The following CACNA2D3 variants were observed in gnomAD, a reference collection of about 807,000 sequenced individuals.
CACNA2D3 encodes the protein calcium voltage-gated channel auxiliary subunit alpha2delta 3.
Under a neutral mutation model 160.6 loss-of-function variants are expected in CACNA2D3, and 60 were observed. That is an observed-to-expected ratio of 0.37 (90% CI 0.30 to 0.46). CACNA2D3 has a LOEUF of 0.46. Among genes scored for constraint, CACNA2D3 ranks in the 20% least tolerant of loss-of-function variants. The probability of loss-of-function intolerance (pLI) is 1.00; values close to 1 mark genes in which losing one functional copy is unlikely to be tolerated. For missense variants in CACNA2D3, 1,205 were observed against 1,365.0 expected (o/e 0.88, Z 1.85); for synonymous variants, 558 against 492.9 (o/e 1.13, Z -1.75).
intron 27 of CACNA2D3, among the ~76,000 whole-genome samples, chr3:54,949,581 G>A (rs987905300): frequency 6.6e-6 from 1 of 152,172 alleles, no homozygotes; most frequent in African/African-American, 2.4e-5. Context: ...CCATACCCAA[G>A]GGGCAGCACT....
chr3:55,073,417 A>ACTGC, intron 35 of CACNA2D3, 28 bp from the exon 36 acceptor site: 1 of 1,537,912 alleles, frequency 6.5e-7, no homozygotes, highest in Non-Finnish European at 9.0e-7. Context: ...ATGGTAAATG[A>ACTGC]CTGCCTCGCT....
At chr3:54,377,570 C>T (rs1699032598) in intron 3 of CACNA2D3, among the ~76,000 whole-genome samples, 1 of 152,184 alleles carries the variant, frequency 6.6e-6, no homozygotes, top group Non-Finnish European at 1.5e-5. Flanking sequence ...TGTATATTCT[C>T]ACCAGATTCA....
At chr3:55,016,825 T>C (rs1036650660) in intron 34 of CACNA2D3, among the ~76,000 whole-genome samples, 1 of 152,186 alleles carries the variant, frequency 6.6e-6, no homozygotes, top group Admixed American at 6.5e-5. Context: ...CTCAAAATAA[T>C]TAAACCTCAA....
chr3:54,216,330 T>C (rs1270801143), intron 2 of CACNA2D3, among the ~76,000 whole-genome samples: 1 of 152,264 alleles, frequency 6.6e-6, no homozygotes, highest in East Asian at 1.9e-4. Flanking sequence ...GTTTCAGTGA[T>C]GTTTAAAAGT....
chr3:54,530,726 A>G (rs1469547485), intron 5 of CACNA2D3, among the ~76,000 whole-genome samples: 2 of 152,328 alleles, frequency 1.3e-5, no homozygotes, highest in East Asian at 3.9e-4. Context: ...GGGAACTCAG[A>G]GACGTTGTTT....
intron 2 of CACNA2D3, among the ~76,000 whole-genome samples, chr3:54,177,212 A>G (rs568154702): frequency 2.0e-5 from 3 of 152,326 alleles, no homozygotes; most frequent in African/African-American, 4.8e-5. Flanking sequence ...AATACCATCT[A>G]TCTAACTATG....
At chr3:54,163,268 GT>G (rs1342706701) in intron 2 of CACNA2D3, among the ~76,000 whole-genome samples, 23 of 152,156 alleles carry the variant, frequency 1.5e-4, no homozygotes, top group African/African-American at 5.3e-4. Context: ...GCTAATTGTG[GT>G]AAGTACTGTG....
intron 6 of CACNA2D3, among the ~76,000 whole-genome samples, chr3:54,567,864 ATGT>A (rs1702433650): frequency 6.6e-6 from 1 of 152,210 alleles, no homozygotes; most frequent in South Asian, 2.1e-4. Flanking sequence ...AGTGCCAGTG[ATGT>A]TGTATGGAAA....
At chr3:54,497,206 C>T (rs992445638) in intron 4 of CACNA2D3, among the ~76,000 whole-genome samples, 1 of 151,988 alleles carries the variant, frequency 6.6e-6, no homozygotes, top group African/African-American at 2.4e-5. Flanking sequence ...GAAGAACTTG[C>T]GTCATAAAAT....
intron 3 of CACNA2D3, among the ~76,000 whole-genome samples, chr3:54,382,439 A>G (rs1056195778): frequency 3.1e-4 from 47 of 152,196 alleles, no homozygotes; most frequent in Non-Finnish European, 5.3e-4. Flanking sequence ...TTGAAGTTCT[A>G]TGGTCTTGAC....
At chr3:54,792,217 G>T (rs893471999) in intron 13 of CACNA2D3, among the ~76,000 whole-genome samples, 1 of 152,088 alleles carries the variant, frequency 6.6e-6, no homozygotes, top group Non-Finnish European at 1.5e-5. Context: ...TCTATGTTTG[G>T]CCCTCCTTTG....
chr3:55,026,957 C>CT (rs1703574553), intron 35 of CACNA2D3, among the ~76,000 whole-genome samples: 1 of 152,142 alleles, frequency 6.6e-6, no homozygotes, highest in Admixed American at 6.5e-5. Context: ...CCCTTTGTCC[C>CT]TTCCTTCTCT....
At chr3:54,141,654 G>A (rs1699937887) in intron 2 of CACNA2D3, among the ~76,000 whole-genome samples, 1 of 152,194 alleles carries the variant, frequency 6.6e-6, no homozygotes, top group Non-Finnish European at 1.5e-5. Context: ...TGCTTCTTGT[G>A]TAGCAGCTTT....
At chr3:54,385,592 T>G (rs1699174433) in intron 3 of CACNA2D3, among the ~76,000 whole-genome samples, 1 of 152,204 alleles carries the variant, frequency 6.6e-6, no homozygotes, top group Non-Finnish European at 1.5e-5. Context: ...TTTCTTTGTA[T>G]GTCCTGTGGC....
intron 2 of CACNA2D3, among the ~76,000 whole-genome samples, chr3:54,149,579 G>C (rs575230956): frequency 6.6e-6 from 1 of 152,290 alleles, no homozygotes; most frequent in Admixed American, 6.5e-5. Context: ...CTCTCTTTGA[G>C]AGGATGTGGC....
intron 27 of CACNA2D3, among the ~76,000 whole-genome samples, chr3:54,952,619 A>T (rs1322621487): frequency 1.3e-5 from 2 of 152,170 alleles, no homozygotes; most frequent in African/African-American, 4.8e-5. Flanking sequence ...CCTTTGGCTC[A>T]TTCATTATAG....
intron 27 of CACNA2D3, among the ~76,000 whole-genome samples, chr3:54,949,704 A>C (rs1000892928): frequency 6.6e-6 from 1 of 152,202 alleles, no homozygotes; most frequent in Non-Finnish European, 1.5e-5. Context: ...TCAGGGCCTC[A>C]GAAAAATTCA....
At chr3:55,057,914 C>T (rs552074854) in intron 35 of CACNA2D3, among the ~76,000 whole-genome samples, 8 of 152,036 alleles carry the variant, frequency 5.3e-5, no homozygotes, top group Non-Finnish European at 1.0e-4. Context: ...GAACAAAATC[C>T]TTTGTTCATG....
intron 11 of CACNA2D3, among the ~76,000 whole-genome samples, chr3:54,659,603 T>C (rs544389975): frequency 6.6e-6 from 1 of 152,028 alleles, no homozygotes; most frequent in East Asian, 1.9e-4. Flanking sequence ...ACCTGGGGAG[T>C]GTTGCCAAGA....
Sources: gnomAD v4.1 joint callset for allele counts (sites outside exome capture counted in the v4.1 genomes callset) on GRCh38, gnomAD v4.1.1 for gene constraint, MANE v1.5 for transcripts, NCBI Gene and HGNC (gene_info 2026-07-23, HGNC 2026-07-21) for gene names.